The following KCNB2 variants were observed in gnomAD, a reference collection of about 807,000 sequenced individuals.
KCNB2 encodes the protein delayed rectifier potassium channel protein.
A neutral mutation model predicts 61.5 loss-of-function variants in KCNB2; 15 were observed. That is an observed-to-expected ratio of 0.24 (90% CI 0.16 to 0.38). The LOEUF is 0.38. Among genes scored for constraint, KCNB2 ranks in the 10% least tolerant of loss-of-function variants. The pLI, the probability that KCNB2 is intolerant of heterozygous loss-of-function variation, is 1.00. For missense variants in KCNB2, 828 were observed against 1,125.2 expected (o/e 0.74, Z 3.78); for synonymous variants, 457 against 446.0 (o/e 1.02, Z -0.31).
chr8:72,716,362 A>C (rs1049919183), intron 2 of KCNB2, among the ~76,000 whole-genome samples: 22 of 152,182 alleles, frequency 1.4e-4, no homozygotes, highest in African/African-American at 5.1e-4. Flanking sequence ...ACGACAAAAA[A>C]AGAGAATTTT....
intron 2 of KCNB2, chr8:72,751,952 T>G (rs1391311871): frequency 6.6e-6 from 1 of 152,220 alleles, no homozygotes; most frequent in Non-Finnish European, 1.5e-5. Flanking sequence ...GTGTCTTCTT[T>G]AGACAGAGCG....
At chr8:72,717,198 A>G (rs961795924) in intron 2 of KCNB2, among the ~76,000 whole-genome samples, 2 of 152,166 alleles carry the variant, frequency 1.3e-5, no homozygotes, top group Non-Finnish European at 2.9e-5. Flanking sequence ...CCATGCTCAT[A>G]GGTAGAAAGA....
chr8:72,636,086 G>A (rs1334922918), intron 2 of KCNB2, among the ~76,000 whole-genome samples: 2 of 152,090 alleles, frequency 1.3e-5, no homozygotes, highest in African/African-American at 2.4e-5. Flanking sequence ...GCTCTTATTC[G>A]GATGCTCAGA....
Position 72,936,298 on chromosome 8 carries a change from G to C in KCNB2, c.943G>C (p.Ala315Pro). The C allele has an allele frequency of 6.2e-7, 1 of 1,614,212 alleles. No individual in the cohort carries two copies. Among genetic ancestry groups the C allele is most frequent in the Non-Finnish European group, 8.5e-7 (1 of 1,180,034 alleles). ...IMRILRILKL[A>P]RHSTGLQSLG... ...GCGCATCCTCAGGATCCTGAAACTC[G>C]CCAGGCATTCGACAGGCCTGCAGTC... is the stretch of plus-strand genomic sequence containing the variant. Residue 315 changes from alanine to proline, a missense_variant, in exon 3 of 3, where the codon GCC becomes CCC. Ala to Pro is a conservative substitution (Grantham distance 27, BLOSUM62 -1). Around this residue, in one of 4 missense-constraint regions of KCNB2, gnomAD observed 44 missense variants for 167.6 expected, o/e 0.26. Transcript: ENST00000523207. The surrounding 1 kb of genome is among the most constrained non-coding windows in gnomAD (Gnocchi z 5.6).
intron 2 of KCNB2, among the ~76,000 whole-genome samples, chr8:72,698,516 A>T (rs967171385): frequency 6.6e-6 from 1 of 152,196 alleles, no homozygotes; most frequent in African/African-American, 2.4e-5. Flanking sequence ...AAACTATTCT[A>T]AATTTCATAT....
At chr8:72,920,059 G>T (rs1806479471) in intron 2 of KCNB2, among the ~76,000 whole-genome samples, 1 of 151,884 alleles carries the variant, frequency 6.6e-6, no homozygotes, top group African/African-American at 2.4e-5. Flanking sequence ...TGACCTATAA[G>T]CTAATATTAT....
At chr8:72,785,765 T>C (rs950002153) in intron 2 of KCNB2, among the ~76,000 whole-genome samples, 2 of 152,156 alleles carry the variant, frequency 1.3e-5, no homozygotes, top group Admixed American at 6.6e-5. Context: ...GGCAATGGTT[T>C]AAATAGATTC....
chr8:72,897,130 G>A (rs972464278), intron 2 of KCNB2, among the ~76,000 whole-genome samples: 1 of 151,852 alleles, frequency 6.6e-6, no homozygotes, highest in Non-Finnish European at 1.5e-5. Flanking sequence ...TCCTGTGCAT[G>A]CCCCTATAGT....
chr8:72,828,970 T>C (rs1302929240), intron 2 of KCNB2, among the ~76,000 whole-genome samples: 1 of 152,216 alleles, frequency 6.6e-6, no homozygotes, highest in East Asian at 1.9e-4. Flanking sequence ...GATCTCCAGA[T>C]TAACGTTAGG....
intron 2 of KCNB2, among the ~76,000 whole-genome samples, chr8:72,714,998 A>T (rs1306856395): frequency 2.0e-5 from 3 of 152,190 alleles, no homozygotes; most frequent in Non-Finnish European, 2.9e-5. Context: ...ATAAAAAGGC[A>T]GGGGTTGCAA....
intron 2 of KCNB2, among the ~76,000 whole-genome samples, chr8:72,696,355 T>C (rs748616600): frequency 2.0e-5 from 3 of 152,122 alleles, no homozygotes; most frequent in Non-Finnish European, 4.4e-5. Flanking sequence ...AAGCAAGAGA[T>C]GATTTCAGTT....
intron 2 of KCNB2, among the ~76,000 whole-genome samples, chr8:72,718,046 A>G (rs1807476472): frequency 6.6e-6 from 1 of 152,092 alleles, no homozygotes; most frequent in Non-Finnish European, 1.5e-5. Flanking sequence ...TTATGCAGCC[A>G]AAAAACACAT....
intron 2 of KCNB2, among the ~76,000 whole-genome samples, chr8:72,857,619 A>G (rs529570834): frequency 6.6e-6 from 1 of 152,086 alleles, no homozygotes; most frequent in Non-Finnish European, 1.5e-5. Context: ...AGGTTGGTAG[A>G]TGAAGTGGAA....
intron 2 of KCNB2, among the ~76,000 whole-genome samples, chr8:72,903,328 G>A (rs1806119129): frequency 6.6e-6 from 1 of 152,194 alleles, no homozygotes; most frequent in Non-Finnish European, 1.5e-5. Flanking sequence ...GGCAGGGACT[G>A]CTGGTAGGTG....
chr8:72,721,702 GCAGA>G (rs1807552744), intron 2 of KCNB2, among the ~76,000 whole-genome samples: 1 of 152,146 alleles, frequency 6.6e-6, no homozygotes, highest in African/African-American at 2.4e-5. Flanking sequence ...TTTAACAAAT[GCAGA>G]CATTGAGTCT....
chr8:72,733,673 C>A (rs1269987333), intron 2 of KCNB2, among the ~76,000 whole-genome samples: 1 of 152,140 alleles, frequency 6.6e-6, no homozygotes, highest in Admixed American at 6.5e-5. Context: ...CACTCCAAAA[C>A]CATCCCTTTC....
intron 2 of KCNB2, among the ~76,000 whole-genome samples, chr8:72,620,449 G>T (rs541947313): frequency 6.6e-6 from 1 of 152,252 alleles, no homozygotes; most frequent in Non-Finnish European, 1.5e-5. Context: ...TGGAACTAAA[G>T]GATACAAATG....
intron 2 of KCNB2, among the ~76,000 whole-genome samples, chr8:72,853,366 C>A (rs533487832): frequency 2.0e-5 from 3 of 152,320 alleles, no homozygotes; most frequent in Admixed American, 6.5e-5. Flanking sequence ...TGCTCCAAAG[C>A]TCCAGGAGGG....
At chr8:72,613,892 A>G (rs368374406) in intron 2 of KCNB2, among the ~76,000 whole-genome samples, 10 of 152,192 alleles carry the variant, frequency 6.6e-5, no homozygotes, top group South Asian at 4.1e-4. Context: ...TCTTGCAGTT[A>G]TTCAGATGGG....
Sources: gnomAD v4.1 joint callset for allele counts (sites outside exome capture counted in the v4.1 genomes callset) on GRCh38, gnomAD v4.1.1 for gene constraint, gnomAD v4.1.1 regional missense constraint, Gnocchi (gnomAD v3.1) non-coding constraint, MANE v1.5 for transcripts, NCBI Gene and HGNC (gene_info 2026-07-23, HGNC 2026-07-21) for gene names.